The following STXBP5L variants were observed in gnomAD, a reference collection of about 807,000 sequenced individuals.
STXBP5L encodes syntaxin-binding protein 5-like.
Under a neutral mutation model 144.5 loss-of-function variants are expected in STXBP5L, and 65 were observed. The observed-to-expected ratio is 0.45, with a 90% CI of 0.37 to 0.55. The LOEUF (loss-of-function observed/expected upper bound fraction) is 0.55. STXBP5L is among the 20% of genes least tolerant of loss of function. The pLI, the probability that STXBP5L is intolerant of heterozygous loss-of-function variation, is 0.00. For synonymous variants in STXBP5L, 505 were observed against 469.6 expected, an observed-to-expected ratio of 1.08 and a Z score of -0.97; for missense variants, 1,298 against 1,405.5, an observed-to-expected ratio of 0.92 and a Z score of 1.22.
intron 7 of STXBP5L, among the ~76,000 whole-genome samples, chr3:121,144,408 C>G (rs562135720): frequency 2.0e-5 from 3 of 151,796 alleles, no homozygotes; most frequent in East Asian, 1.9e-4. Flanking sequence ...ATTAGAGAAA[C>G]GCAAATCAAA....
chr3:121,310,985 T>G (rs187041268), intron 19 of STXBP5L, among the ~76,000 whole-genome samples: 1 of 152,282 alleles, frequency 6.6e-6, no homozygotes, highest in African/African-American at 2.4e-5. Flanking sequence ...TGCCTATTTT[T>G]GACTAATAAT....
chr3:120,969,867 T>C (rs1420720466), intron 3 of STXBP5L, among the ~76,000 whole-genome samples: 1 of 152,082 alleles, frequency 6.6e-6, no homozygotes, highest in East Asian at 1.9e-4. Flanking sequence ...ACTTTCTTTC[T>C]GTTTTCCTCT....
At chr3:121,097,349 C>A (rs1372704081) in intron 5 of STXBP5L, among the ~76,000 whole-genome samples, 4 of 152,146 alleles carry the variant, frequency 2.6e-5, no homozygotes, top group East Asian at 3.9e-4. Context: ...CCAGGAGCCA[C>A]TGGGGTATGG....
chr3:120,941,488 G>A (rs1710563680), intron 2 of STXBP5L, among the ~76,000 whole-genome samples: 1 of 151,570 alleles, frequency 6.6e-6, no homozygotes, highest in Non-Finnish European at 1.5e-5. Flanking sequence ...GAAAGCTACT[G>A]TACTTTTAAA....
intron 20 of STXBP5L, among the ~76,000 whole-genome samples, chr3:121,351,255 C>A (rs1258867363): frequency 6.6e-6 from 1 of 152,148 alleles, no homozygotes; most frequent in African/African-American, 2.4e-5. Context: ...GTATCAGCAA[C>A]AGAGGCTGCA....
intron 3 of STXBP5L, among the ~76,000 whole-genome samples, chr3:120,977,578 C>G (rs1941219095): frequency 6.6e-6 from 1 of 152,074 alleles, no homozygotes; most frequent in African/African-American, 2.4e-5. Context: ...TGAATTTGAT[C>G]CTGTCATTAT....
At chr3:121,093,894 C>G (rs1006885984) in intron 5 of STXBP5L, among the ~76,000 whole-genome samples, 6 of 152,016 alleles carry the variant, frequency 3.9e-5, no homozygotes, top group African/African-American at 1.4e-4. Context: ...TTCCTGCTTT[C>G]TCTTGTGGGC....
intron 5 of STXBP5L, among the ~76,000 whole-genome samples, chr3:121,106,545 T>C (rs1285490118): frequency 1.3e-5 from 2 of 152,198 alleles, no homozygotes; most frequent in Non-Finnish European, 2.9e-5. Context: ...GGCTTTGAGC[T>C]CCATCCTTGT....
At chr3:121,090,788 A>G (rs1185047461) in intron 5 of STXBP5L, among the ~76,000 whole-genome samples, 1 of 151,632 alleles carries the variant, frequency 6.6e-6, no homozygotes, top group Non-Finnish European at 1.5e-5. Context: ...TTATTTTTTT[A>G]TTATTATACT....
intron 19 of STXBP5L, among the ~76,000 whole-genome samples, chr3:121,282,078 A>G (rs2051078291): frequency 6.6e-6 from 1 of 151,772 alleles, no homozygotes; most frequent in Admixed American, 6.6e-5. Flanking sequence ...TCATTCATCT[A>G]TCGCCTCTTA....
intron 5 of STXBP5L, among the ~76,000 whole-genome samples, chr3:121,065,261 A>G (rs569519579): frequency 6.6e-6 from 1 of 152,160 alleles, no homozygotes; most frequent in Non-Finnish European, 1.5e-5. Flanking sequence ...ATACCCAGTA[A>G]TGGGATTGCT....
At chr3:121,236,285 AGT>A (rs1251535812) in intron 12 of STXBP5L, among the ~76,000 whole-genome samples, 1 of 152,194 alleles carries the variant, frequency 6.6e-6, no homozygotes, top group African/African-American at 2.4e-5. Flanking sequence ...AAAATTTAAA[AGT>A]TTCCTATATA....
At chr3:120,909,362 G>A (rs961717846) in intron 1 of STXBP5L, among the ~76,000 whole-genome samples, 33 of 152,070 alleles carry the variant, frequency 2.2e-4, no homozygotes, top group African/African-American at 8.0e-4. Context: ...TTGGAGTTGT[G>A]TTATATTTAT....
chr3:121,335,254 G>A (rs2044465582), intron 20 of STXBP5L, among the ~76,000 whole-genome samples: 1 of 151,992 alleles, frequency 6.6e-6, no homozygotes, highest in Non-Finnish European at 1.5e-5. Flanking sequence ...TTAAAAGGAA[G>A]GTGAAAGATC....
At chr3:121,345,264 G>GT (rs1350185585) in intron 20 of STXBP5L, among the ~76,000 whole-genome samples, 2 of 151,938 alleles carry the variant, frequency 1.3e-5, no homozygotes, top group Non-Finnish European at 2.9e-5. Context: ...GCAGTGTTTG[G>GT]TTTTTTGTCC....
chr3:121,372,622 A>G (rs1576309358), intron 20 of STXBP5L, among the ~76,000 whole-genome samples: 2 of 152,068 alleles, frequency 1.3e-5, no homozygotes, highest in South Asian at 2.1e-4. Flanking sequence ...TGGTAGCCCA[A>G]TGCAGGTTTC....
intron 9 of STXBP5L, among the ~76,000 whole-genome samples, chr3:121,166,862 A>G (rs1208892007): frequency 6.6e-6 from 1 of 152,226 alleles, no homozygotes; most frequent in Non-Finnish European, 1.5e-5. Flanking sequence ...GTGAAATAAT[A>G]GCATATAAAG....
chr3:121,278,972 G>A (rs1162519493), intron 18 of STXBP5L, among the ~76,000 whole-genome samples: 1 of 151,514 alleles, frequency 6.6e-6, no homozygotes, highest in African/African-American at 2.4e-5. Flanking sequence ...AGAGTAAGCA[G>A]ATGGTTTGTA....
intron 5 of STXBP5L, among the ~76,000 whole-genome samples, chr3:121,093,962 G>T (rs897406438): frequency 1.3e-5 from 2 of 151,964 alleles, no homozygotes; most frequent in East Asian, 3.9e-4. Flanking sequence ...GGAGATTCTG[G>T]TACGTTGTGT....
Sources: gnomAD v4.1 joint callset for allele counts (sites outside exome capture counted in the v4.1 genomes callset) on GRCh38, gnomAD v4.1.1 for gene constraint, MANE v1.5 for transcripts, NCBI Gene and HGNC (gene_info 2026-07-23, HGNC 2026-07-21) for gene names.